CCSER1: variants seen among roughly 807,000 people sequenced by gnomAD.
CCSER1 encodes the protein serine-rich coiled-coil domain-containing protein 1.
A neutral mutation model predicts 82.0 loss-of-function variants in CCSER1; 41 were observed. The observed-to-expected ratio is 0.50, with a 90% confidence interval of 0.39 to 0.65. The LOEUF is 0.65. Ranked by LOEUF, CCSER1 falls within the 30% of genes least tolerant of loss-of-function variation. CCSER1 has a pLI of 0.00. For missense variants in CCSER1, 1,119 were observed against 1,064.2 expected (o/e 1.05, Z -0.72); for synonymous variants, 414 against 383.9 (o/e 1.08, Z -0.92).
At chr4:91,179,750 C>A (rs1011346376) in intron 10 of CCSER1, among the ~76,000 whole-genome samples, 1 of 152,190 alleles carries the variant, frequency 6.6e-6, no homozygotes, top group African/African-American at 2.4e-5. Context: ...GTTTGAACAT[C>A]CTCCTTTAGC....
At chr4:91,404,193 T>C (rs868648810) in intron 10 of CCSER1, among the ~76,000 whole-genome samples, 12 of 152,304 alleles carry the variant, frequency 7.9e-5, no homozygotes, top group Middle Eastern at 6.8e-3. Flanking sequence ...TAGAGGTGTT[T>C]ATAGTATTCC....
At chr4:91,486,743 C>A (rs965596286) in intron 10 of CCSER1, among the ~76,000 whole-genome samples, 11 of 152,030 alleles carry the variant, frequency 7.2e-5, no homozygotes, top group Admixed American at 5.9e-4. Context: ...AACTACTATG[C>A]CATTTTATAT....
At chr4:90,665,355 G>GCT (rs1731547080) in intron 6 of CCSER1, among the ~76,000 whole-genome samples, 7 of 148,506 alleles carry the variant, frequency 4.7e-5, no homozygotes, top group Admixed American at 2.7e-4. Context: ...ACGGAGTCTT[G>GCT]CTGTCGCCCA....
At chr4:91,488,354 C>CA (rs1319133852) in intron 10 of CCSER1, among the ~76,000 whole-genome samples, 2 of 152,226 alleles carry the variant, frequency 1.3e-5, no homozygotes, top group East Asian at 3.9e-4. Flanking sequence ...ATCCAACTAC[C>CA]AAATAATGAT....
chr4:91,018,052 A>C (rs541801038), intron 9 of CCSER1, among the ~76,000 whole-genome samples: 1 of 152,196 alleles, frequency 6.6e-6, no homozygotes, highest in Non-Finnish European at 1.5e-5. Context: ...TTATTTAGAA[A>C]GTCTCCAGTA....
rs867117033 is a variant in CCSER1, at chr4:91,539,381, C to T, written c.2218-59191C>T. On this transcript the variant is annotated intron_variant, in intron 10 of 10. Transcript: ENST00000509176. ...CTTAAACTTATCTTTGACTTGTTACCTCACTTACCAAATTTTCTGAAGTTA... is the reference window on the plus strand; with the variant it reads ...CTTAAACTTATCTTTGACTTGTTACTTCACTTACCAAATTTTCTGAAGTTA... Among the ~76,000 whole-genome samples, 84 of 152,108 alleles carry T rather than the reference C, an allele frequency of 5.5e-4. 1 individual carries two copies. In the Middle Eastern group the frequency reaches 0.017, roughly 31 times the overall value.
chr4:90,636,345 A>G (rs1725412885), intron 6 of CCSER1, among the ~76,000 whole-genome samples: 1 of 151,974 alleles, frequency 6.6e-6, no homozygotes, highest in Admixed American at 6.6e-5. Context: ...AATTTTCAGG[A>G]AATAGAGACA....
In CCSER1 at chr4:90,802,663, G is replaced by A. The variant is rs973105704; in HGVS notation, c.2011-13099G>A. Among the ~76,000 whole-genome samples, 16 of 152,212 alleles carry A rather than the reference G, an allele frequency of 1.1e-4. No individual in the cohort carries two copies. The East Asian group carries it at 3.1e-3, about 29-fold the overall frequency. ...TGTGGTTTTCTTAACCTTGTTTTCAGTATTTGAGAAGCAGTGCCTCCCATG... is the reference window on the plus strand; with the variant it reads ...TGTGGTTTTCTTAACCTTGTTTTCAATATTTGAGAAGCAGTGCCTCCCATG... On this transcript the variant is annotated intron_variant, in intron 7 of 10. Transcript: ENST00000509176.
chr4:90,841,278 A>T (rs564839954), intron 8 of CCSER1, among the ~76,000 whole-genome samples: 1 of 152,288 alleles, frequency 6.6e-6, no homozygotes, highest in African/African-American at 2.4e-5. Flanking sequence ...GACAATGCTT[A>T]ATAAAGAAGA....
chr4:91,450,755 G>A (rs935473592), intron 10 of CCSER1, among the ~76,000 whole-genome samples: 4 of 151,918 alleles, frequency 2.6e-5, no homozygotes, highest in Non-Finnish European at 5.9e-5. Context: ...ACTTCACTCC[G>A]GTCTTCAGTT....
chr4:90,760,504 A>G (rs1750257426), intron 7 of CCSER1, among the ~76,000 whole-genome samples: 1 of 151,996 alleles, frequency 6.6e-6, no homozygotes, highest in Admixed American at 6.6e-5. Context: ...AGTAAATCCA[A>G]TAATACTATT....
At chr4:91,503,875 T>C (rs1759349968) in intron 10 of CCSER1, among the ~76,000 whole-genome samples, 1 of 152,222 alleles carries the variant, frequency 6.6e-6, no homozygotes, top group South Asian at 2.1e-4. Context: ...TTATATTAAC[T>C]ATTTTCAAAA....
At chr4:90,887,797 G>A (rs1362275830) in intron 8 of CCSER1, among the ~76,000 whole-genome samples, 1 of 152,076 alleles carries the variant, frequency 6.6e-6, no homozygotes, top group East Asian at 1.9e-4. Context: ...CAGGAGAATT[G>A]CTTGAATCCG....
chr4:90,389,622 A>G (rs1750641836), intron 3 of CCSER1, among the ~76,000 whole-genome samples: 1 of 152,104 alleles, frequency 6.6e-6, no homozygotes, highest in African/African-American at 2.4e-5. Flanking sequence ...AGACTCTGAA[A>G]CCTCAAGAAC....
intron 7 of CCSER1, among the ~76,000 whole-genome samples, chr4:90,805,378 C>A (rs1353326699): frequency 6.6e-6 from 1 of 152,202 alleles, no homozygotes; most frequent in Non-Finnish European, 1.5e-5. Flanking sequence ...CTCAGTGAAG[C>A]TGTCAGTGGA....
At chr4:90,162,544 T>G (rs1045884974) in intron 1 of CCSER1, among the ~76,000 whole-genome samples, 2 of 152,052 alleles carry the variant, frequency 1.3e-5, no homozygotes, top group Non-Finnish European at 2.9e-5. Flanking sequence ...TTTTTAAAAC[T>G]TATCCTTTTT....
chr4:91,004,460 A>T (rs540519400), intron 9 of CCSER1, among the ~76,000 whole-genome samples: 1 of 152,380 alleles, frequency 6.6e-6, no homozygotes, highest in African/African-American at 2.4e-5. Context: ...ATAAGTGATC[A>T]TGAAATAATT....
At chr4:91,149,689 C>T (rs900130838) in intron 10 of CCSER1, among the ~76,000 whole-genome samples, 19 of 152,298 alleles carry the variant, frequency 1.2e-4, no homozygotes, top group Middle Eastern at 3.4e-3. Flanking sequence ...TTTCAGCTTT[C>T]TGCATATGAC....
intron 10 of CCSER1, among the ~76,000 whole-genome samples, chr4:91,184,189 G>T (rs928333658): frequency 6.6e-6 from 1 of 152,210 alleles, no homozygotes; most frequent in Admixed American, 6.5e-5. Flanking sequence ...GTAACACTGT[G>T]AAAATTTTTT....
Sources: allele counts gnomAD v4.1 joint callset (sites outside exome capture counted in the v4.1 genomes callset), GRCh38; gene constraint gnomAD v4.1.1; transcripts MANE v1.5; gene names NCBI Gene and HGNC (gene_info 2026-07-23, HGNC 2026-07-21).